SND1: variants seen among roughly 807,000 people sequenced by gnomAD.
SND1 encodes staphylococcal nuclease and tudor domain containing 1, also known as staphylococcal nuclease domain-containing protein 1.
A neutral mutation model predicts 121.7 loss-of-function variants in SND1; 38 were observed. The observed-to-expected ratio is 0.31, with a 90% confidence interval of 0.24 to 0.41. The LOEUF (loss-of-function observed/expected upper bound fraction) is 0.41, where lower values mean the gene tolerates loss of function less well. SND1 is among the 10% of genes least tolerant of loss of function. SND1 has a pLI of 1.00. For missense variants in SND1, 868 were observed against 1,184.6 expected (o/e 0.73, Z 3.92); for synonymous variants, 401 against 447.4 (o/e 0.90, Z 1.31).
intron 16 of SND1, among the ~76,000 whole-genome samples, chr7:127,996,605 G>T (rs557450640): frequency 5.3e-5 from 8 of 152,272 alleles, no homozygotes; most frequent in African/African-American, 1.4e-4. Context: ...AGTAATGGAC[G>T]CCCAGTGAGG....
chr7:127,925,440 A>G (rs1312809436), intron 14 of SND1, among the ~76,000 whole-genome samples: 1 of 152,218 alleles, frequency 6.6e-6, no homozygotes, highest in Non-Finnish European at 1.5e-5. Context: ...TATGTAAGGA[A>G]GCAATAGCAA....
chr7:127,681,193 A>C (rs1795720481), intron 1 of SND1, among the ~76,000 whole-genome samples: 2 of 152,160 alleles, frequency 1.3e-5, no homozygotes. Flanking sequence ...TAGCTATCCT[A>C]GTGGTGGTAA....
chr7:128,074,492 T>C lies in SND1; in HGVS notation c.1780-10T>C. The C allele has an allele frequency of 6.2e-7, 1 of 1,606,294 alleles. No homozygotes were observed. The highest frequency in any genetic ancestry group is 8.5e-7 in the Non-Finnish European group (1 of 1,174,810). On this transcript the variant is annotated splice_polypyrimidine_tract_variant and intron_variant, in intron 16 of 23. Transcript: ENST00000354725. ...GCCCCCACAGGCTTACGCCTGTCTCTCTGTCCCAGGTGGAGGTGGAGGTGG... is the reference window on the plus strand; with the variant it reads ...GCCCCCACAGGCTTACGCCTGTCTCCCTGTCCCAGGTGGAGGTGGAGGTGG...
Position 128,001,531 on chromosome 7 carries a change from C to T in SND1, c.1779+10475C>T, listed in dbSNP as rs115146724. 5.1e-3 allele frequency among the ~76,000 whole-genome samples: 774 copies of T among 152,364 alleles called. 5 individuals are homozygous for T. The highest frequency in any genetic ancestry group is 0.018 in the African/African-American group (746 of 41,592). On this transcript the variant is annotated intron_variant, in intron 16 of 23. Coordinates refer to ENST00000354725, the MANE Select transcript of SND1 (RefSeq NM_014390.4). ...CACCTATGTAAGGAGGGTACCTTCTCACTAGGGTTACTGTGAAAATTAAGT... is the reference window on the plus strand; with the variant it reads ...CACCTATGTAAGGAGGGTACCTTCTTACTAGGGTTACTGTGAAAATTAAGT...
rs1275782106 is a variant in SND1 at position 127,874,583 on chromosome 7, T to G, written c.1344-13319T>G. Among the ~76,000 whole-genome samples the G allele has an allele frequency of 2.0e-5, 3 of 152,072 alleles. No homozygotes were observed. The East Asian group carries it at 5.8e-4, about 29-fold the overall frequency. ...CTATTCACACTCCCCATACTGATAT[T>G]TTTTGTGAAATTTTGTTTCTCAAAG... On this transcript the variant is annotated intron_variant, in intron 12 of 23. Transcript: ENST00000354725.
chr7:127,904,790 C>T lies in SND1; in HGVS notation c.1498C>T (p.Pro500Ser), dbSNP rs1800302108. 6 of 1,611,358 alleles carry T rather than the reference C, an allele frequency of 3.7e-6. No individual in the cohort carries two copies. Among genetic ancestry groups the T allele is most frequent in the Non-Finnish European group, 5.1e-6 (6 of 1,177,564 alleles). ...GKGLHSKKEV[P>S]IHRVADISGD... ...AGGATTGCATAGCAAGAAGGAAGTG[C>T]CTATCCACCGTGTTGCAGATATATC... Residue 500 changes from proline to serine, a missense_variant, in exon 14 of 24, where the codon CCT (proline) becomes TCT (serine). Physicochemically the swap from Pro to Ser is moderately conservative, Grantham distance 74. This residue lies in a region of SND1 where 743 missense variants were observed against 1,071.3 expected (regional missense o/e 0.69). Coordinates refer to ENST00000354725, the MANE Select transcript of SND1 (RefSeq NM_014390.4).
intron 16 of SND1, chr7:127,997,622 A>G (rs550217710): frequency 1.0e-4 from 47 of 470,218 alleles, no homozygotes; most frequent in Non-Finnish European, 1.8e-4. Context: ...TTTAAAAAAT[A>G]TAACTCCCCA....
At chr7:128,028,848 A>G (rs756127788) in intron 16 of SND1, 1 of 1,614,106 alleles carries the variant, frequency 6.2e-7, no homozygotes, top group Non-Finnish European at 8.5e-7. Context: ...AATTGTGGGC[A>G]GCACTACTGC....
chr7:127,987,455 A>G (rs942353658), intron 15 of SND1, among the ~76,000 whole-genome samples: 1 of 152,200 alleles, frequency 6.6e-6, no homozygotes, highest in Non-Finnish European at 1.5e-5. Context: ...ATGTGGCTTC[A>G]TCTGGCTTTC....
intron 12 of SND1, among the ~76,000 whole-genome samples, chr7:127,861,599 C>T (rs2116683108): frequency 6.6e-6 from 1 of 152,292 alleles, no homozygotes; most frequent in Non-Finnish European, 1.5e-5. Flanking sequence ...CTCAGCCTCC[C>T]AAGTAGCTGG....
At chr7:127,912,245 G>T (rs901546052) in intron 14 of SND1, among the ~76,000 whole-genome samples, 9 of 152,098 alleles carry the variant, frequency 5.9e-5, no homozygotes, top group East Asian at 1.9e-4. Flanking sequence ...AAGCATTTTT[G>T]ATTTACATGG....
At chr7:127,798,676 G>C (rs773641255) in intron 10 of SND1, among the ~76,000 whole-genome samples, 3 of 151,812 alleles carry the variant, frequency 2.0e-5, no homozygotes, top group Non-Finnish European at 2.9e-5. Context: ...TATTGCCTTC[G>C]ATTTAAAAGT....
intron 15 of SND1, among the ~76,000 whole-genome samples, chr7:127,960,302 C>T (rs1402487742): frequency 3.3e-5 from 5 of 152,190 alleles, no homozygotes; most frequent in East Asian, 1.9e-4. Flanking sequence ...TGGGACTACC[C>T]GCATTCACTT....
intron 13 of SND1, among the ~76,000 whole-genome samples, chr7:127,891,077 T>A (rs775437581): frequency 2.2e-4 from 34 of 152,254 alleles, no homozygotes; most frequent in Admixed American, 1.6e-3. Context: ...GCCCCAGGAC[T>A]CTAAGCCTGG....
intron 12 of SND1, among the ~76,000 whole-genome samples, chr7:127,862,591 TGAG>T (rs1799400235): frequency 6.6e-6 from 1 of 152,266 alleles, no homozygotes; most frequent in Non-Finnish European, 1.5e-5. Flanking sequence ...GATTTAATGC[TGAG>T]TTTTTAATGA....
At chr7:127,723,592 A>C (rs1796533579) in intron 10 of SND1, among the ~76,000 whole-genome samples, 1 of 152,138 alleles carries the variant, frequency 6.6e-6, no homozygotes, top group South Asian at 2.1e-4. Flanking sequence ...ATGAACCTTG[A>C]ATGTAGTGGT....
At chr7:127,825,347 G>A (rs965513705) in intron 11 of SND1, among the ~76,000 whole-genome samples, 1 of 151,818 alleles carries the variant, frequency 6.6e-6, no homozygotes, top group African/African-American at 2.4e-5. Flanking sequence ...CTGACCACAT[G>A]ATCCACCTGC....
chr7:127,817,540 A>G (rs1798466414), intron 11 of SND1, among the ~76,000 whole-genome samples: 1 of 152,152 alleles, frequency 6.6e-6, no homozygotes, highest in Non-Finnish European at 1.5e-5. Context: ...GATTCCTTAA[A>G]TGATTATATA....
chr7:127,853,151 C>T (rs948434926), intron 12 of SND1, among the ~76,000 whole-genome samples: 5 of 152,014 alleles, frequency 3.3e-5, no homozygotes, highest in African/African-American at 1.2e-4. Context: ...CTGAAATTGT[C>T]GAGGGAAAGA....
Sources: gnomAD v4.1 joint callset for allele counts (sites outside exome capture counted in the v4.1 genomes callset) on GRCh38, gnomAD v4.1.1 for gene constraint, gnomAD v4.1.1 regional missense constraint, MANE v1.5 for transcripts, NCBI Gene and HGNC (gene_info 2026-07-23, HGNC 2026-07-21) for gene names.